The following ZNF654 variants were observed in gnomAD, a reference collection of about 807,000 sequenced individuals.
The protein encoded by ZNF654 is zinc finger protein 654.
A neutral mutation model predicts 95.3 loss-of-function variants in ZNF654; 19 were observed. The observed-to-expected ratio is 0.20, with a 90% CI of 0.14 to 0.29. The LOEUF (loss-of-function observed/expected upper bound fraction) is 0.29, where lower values mean the gene tolerates loss of function less well. Among genes scored for constraint, ZNF654 ranks in the 10% least tolerant of loss-of-function variants. The probability of loss-of-function intolerance (pLI) is 1.00; values close to 1 mark genes in which losing one functional copy is unlikely to be tolerated. For missense variants in ZNF654, 1,046 were observed against 1,341.0 expected (o/e 0.78, Z 3.44); for synonymous variants, 413 against 457.9 (o/e 0.90, Z 1.25).
chr3:88,104,560 A>T (rs1307569950), intron 2 of ZNF654, among the ~76,000 whole-genome samples: 1 of 152,244 alleles, frequency 6.6e-6, no homozygotes, highest in Non-Finnish European at 1.5e-5. Context: ...GGTTTGTAGC[A>T]TGTTTAAAAC....
intron 1 of ZNF654, among the ~76,000 whole-genome samples, chr3:88,065,352 G>A (rs1268652839): frequency 1.3e-5 from 2 of 151,978 alleles, no homozygotes; most frequent in Non-Finnish European, 2.9e-5. Flanking sequence ...TGTTCATAAT[G>A]ACGTTGTTTG....
intron 2 of ZNF654, among the ~76,000 whole-genome samples, chr3:88,099,460 G>C (rs1201232520): frequency 6.6e-6 from 1 of 152,158 alleles, no homozygotes; most frequent in Non-Finnish European, 1.5e-5. Flanking sequence ...TTTCTTCACA[G>C]AATTGGAAAA....
chr3:88,097,433 G>A (rs4402954), intron 2 of ZNF654, among the ~76,000 whole-genome samples: 118,882 of 151,664 alleles, frequency 0.78, 47,498 homozygotes, highest in South Asian at 0.91. Context: ...TGAGACAGAA[G>A]GTTAACAAGG....
chr3:88,128,420 T>A (rs1706248432), intron 4 of ZNF654, among the ~76,000 whole-genome samples: 1 of 152,220 alleles, frequency 6.6e-6, no homozygotes, highest in South Asian at 2.1e-4. Context: ...TTCAGCCTTT[T>A]AATCTTAAAG....
chr3:88,098,220 A>G (rs1704182709), intron 2 of ZNF654, among the ~76,000 whole-genome samples: 1 of 152,254 alleles, frequency 6.6e-6, no homozygotes, highest in African/African-American at 2.4e-5. Flanking sequence ...CAAATAAACT[A>G]GAAAATCTAG....
intron 1 of ZNF654, among the ~76,000 whole-genome samples, chr3:88,064,518 T>A (rs1370906138): frequency 1.3e-5 from 2 of 152,212 alleles, no homozygotes; most frequent in African/African-American, 4.8e-5. Flanking sequence ...TTTCTGACTC[T>A]GTTTTCACAT....
At chr3:88,093,100 A>C (rs1247392380) in intron 2 of ZNF654, among the ~76,000 whole-genome samples, 1 of 152,224 alleles carries the variant, frequency 6.6e-6, no homozygotes, top group Non-Finnish European at 1.5e-5. Context: ...CTTTGTGCAT[A>C]TGGACCTCAA....
intron 1 of ZNF654, among the ~76,000 whole-genome samples, chr3:88,063,915 G>A (rs1333629187): frequency 1.3e-5 from 2 of 152,106 alleles, no homozygotes; most frequent in Non-Finnish European, 2.9e-5. Context: ...GGAGCTGGTT[G>A]TCTCTGTGGT....
In ZNF654 at chr3:88,142,750, G is replaced by A. The variant is rs1707192883; in HGVS notation, c.*1098G>A. The A allele has an allele frequency of 6.6e-6, 1 of 151,990 alleles. No individual in the cohort carries two copies. Among genetic ancestry groups the A allele is most frequent in the African/African-American group, 2.4e-5 (1 of 41,320 alleles). The allele number at this position is 151,990 out of a possible 1,614,324, so 9.4% of individuals were successfully genotyped here. ...TTTTTAATTCATTAGTGATGACTCT[G>A]GTCTGAACAGTAATTTTTATATGTA... On this transcript the variant is annotated 3_prime_UTR_variant, in exon 9 of 9. Transcript: ENST00000636215.
At chr3:88,127,497 T>A (rs1478844660) in intron 4 of ZNF654, among the ~76,000 whole-genome samples, 1 of 150,688 alleles carries the variant, frequency 6.6e-6, no homozygotes, top group East Asian at 1.9e-4. Context: ...AAGAGTTGGA[T>A]TACTGAAGAA....
chr3:88,136,687 CAG>C (rs558604668), intron 7 of ZNF654, among the ~76,000 whole-genome samples: 189 of 152,170 alleles, frequency 1.2e-3, no homozygotes, highest in African/African-American at 4.0e-3. Flanking sequence ...AGACTAATGG[CAG>C]AGACTGTGTG....
At chr3:88,126,579 C>CTT (rs144091813) in intron 4 of ZNF654, among the ~76,000 whole-genome samples, 12 of 81,756 alleles carry the variant, frequency 1.5e-4, no homozygotes, top group South Asian at 5.8e-4. Flanking sequence ...GTAGAAACAT[C>CTT]TTTTTTTTTT....
chr3:88,079,409 C>T (rs1707970846), intron 1 of ZNF654, among the ~76,000 whole-genome samples: 1 of 151,920 alleles, frequency 6.6e-6, no homozygotes, highest in Non-Finnish European at 1.5e-5. Context: ...GTGATAGCTG[C>T]CTTATAATAT....
chr3:88,117,917 TTACCAGTAC>T (rs1172237618), intron 3 of ZNF654, among the ~76,000 whole-genome samples: 1 of 149,272 alleles, frequency 6.7e-6, no homozygotes, highest in Non-Finnish European at 1.5e-5. Flanking sequence ...TGTCTGGAAC[TTACCAGTAC>T]TATTGCCCAA....
In ZNF654 at chr3:88,140,889, G is replaced by A. The variant is rs1448173325; in HGVS notation, c.3220G>A (p.Val1074Ile). ...PKRRKFLTDR[V>I]DACSDQDNVY... is the part of the protein sequence containing the mutation. Reference sequence around the variant, plus strand: ...ACGCAGAAAATTTCTGACTGATAGAGTAGATGCCTGTTCTGATCAAGATAA... The same window carrying A: ...ACGCAGAAAATTTCTGACTGATAGAATAGATGCCTGTTCTGATCAAGATAA... The change falls in exon 8 of 9, where the codon GTA becomes ATA. Residue 1074 changes from valine (V) to isoleucine (I), a missense_variant. Coordinates refer to ENST00000636215, the MANE Select transcript of ZNF654 (RefSeq NM_001350134.2). 1 of 1,613,606 alleles carries A rather than the reference G, an allele frequency of 6.2e-7. No homozygotes were observed. The highest frequency in any genetic ancestry group is 8.5e-7 in the Non-Finnish European group (1 of 1,179,650).
intron 2 of ZNF654, among the ~76,000 whole-genome samples, chr3:88,104,975 C>T (rs1409593478): frequency 6.6e-6 from 1 of 152,178 alleles, no homozygotes; most frequent in East Asian, 1.9e-4. Flanking sequence ...CCTGTCTCTA[C>T]TAAAAATACC....
chr3:88,118,978 G>A (rs1373514724), intron 3 of ZNF654, among the ~76,000 whole-genome samples: 3 of 148,836 alleles, frequency 2.0e-5, no homozygotes, highest in Non-Finnish European at 3.0e-5. Flanking sequence ...TCAGTGTGGC[G>A]ATTCCTCAGG....
At chr3:88,080,703 G>A (rs1032778291) in intron 1 of ZNF654, among the ~76,000 whole-genome samples, 2 of 152,098 alleles carry the variant, frequency 1.3e-5, no homozygotes, top group African/African-American at 4.8e-5. Flanking sequence ...ATCTTGAGGT[G>A]CAAATAGGTA....
intron 2 of ZNF654, among the ~76,000 whole-genome samples, chr3:88,111,089 A>G (rs1705064388): frequency 6.6e-6 from 1 of 152,018 alleles, no homozygotes; most frequent in Non-Finnish European, 1.5e-5. Flanking sequence ...GCTGTGTTGA[A>G]CATGGATTTT....
Sources: allele counts gnomAD v4.1 joint callset (sites outside exome capture counted in the v4.1 genomes callset), GRCh38; gene constraint gnomAD v4.1.1; transcripts MANE v1.5; gene names NCBI Gene and HGNC (gene_info 2026-07-23, HGNC 2026-07-21).